FGF9: variants seen among roughly 807,000 people sequenced by gnomAD.
FGF9 encodes the protein fibroblast growth factor 9, also known as fibroblast growth factor 9 (glia-activating factor).
FGF9 carries 3 observed loss-of-function variants against 19.9 expected under a neutral mutation model. The observed-to-expected ratio is 0.15, with a 90% CI of 0.07 to 0.39. The LOEUF (loss-of-function observed/expected upper bound fraction) is 0.39, where lower values mean the gene tolerates loss of function less well. FGF9 is among the 10% of genes least tolerant of loss of function. The probability of loss-of-function intolerance (pLI) is 1.00; values close to 1 mark genes in which losing one functional copy is unlikely to be tolerated. For missense variants in FGF9, 175 were observed against 256.8 expected, an observed-to-expected ratio of 0.68 and a Z score of 2.18; for synonymous variants, 107 against 106.9, an observed-to-expected ratio of 1.00 and a Z score of -0.01.
intron 2 of FGF9, among the ~76,000 whole-genome samples, chr13:21,682,694 G>GTTTT (rs35215268): frequency 8.1e-6 from 1 of 123,950 alleles, no homozygotes; most frequent in Non-Finnish European, 1.7e-5. Context: ...CACAACTTCA[G>GTTTT]TTTTTTTTTT....
intron 2 of FGF9, among the ~76,000 whole-genome samples, chr13:21,695,524 G>T (rs1249698915): frequency 6.6e-6 from 1 of 152,124 alleles, no homozygotes; most frequent in African/African-American, 2.4e-5. Context: ...CTCTTGCCTC[G>T]TCTGTCTGTG....
intron 1 of FGF9, 122 bp from the exon 2 acceptor site, chr13:21,680,920 C>T (rs1456996307): frequency 1.4e-5 from 10 of 712,808 alleles, no homozygotes; most frequent in South Asian, 3.1e-5. Flanking sequence ...CTTTAACTAG[C>T]GTGGGGTTAT....
chr13:21,695,113 T>TGTGTGA (rs1183952730), intron 2 of FGF9, among the ~76,000 whole-genome samples: 161 of 151,078 alleles, frequency 1.1e-3, no homozygotes, highest in African/African-American at 3.8e-3. Context: ...TGTGTGTGTG[T>TGTGTGA]GTGAGAGAGA....
At chr13:21,698,408 G>A (rs898034381) in intron 2 of FGF9, among the ~76,000 whole-genome samples, 2 of 152,178 alleles carry the variant, frequency 1.3e-5, no homozygotes, top group African/African-American at 4.8e-5. Flanking sequence ...AGCTTCCTCG[G>A]TGTTCAGCAC....
intron 2 of FGF9, among the ~76,000 whole-genome samples, chr13:21,684,145 T>C (rs759248050): frequency 5.3e-5 from 8 of 152,368 alleles, no homozygotes; most frequent in Non-Finnish European, 1.0e-4. Context: ...AAATATTACT[T>C]CTTCTGCAAA....
At position 21,702,328 on chromosome 13, in the gene FGF9, A is replaced by G. The variant is rs1479760267; in HGVS notation, c.*893A>G. On this transcript the variant is annotated 3_prime_UTR_variant, in exon 3 of 3. Transcript: ENST00000382353. ...TCATGACACTGAGTATTCACTCTTC[A>G]GACTGCTTGTTTCATAGCTTATCCC... 1 of 152,226 alleles carries G rather than the reference A, an allele frequency of 6.6e-6. No homozygotes were observed. Among genetic ancestry groups the G allele is most frequent in the African/African-American group, 2.4e-5 (1 of 41,460 alleles). 9.4% of individuals were successfully genotyped at this position (152,226 alleles called of 1,614,324 possible).
At chr13:21,692,072 A>G (rs1872304324) in intron 2 of FGF9, among the ~76,000 whole-genome samples, 1 of 151,092 alleles carries the variant, frequency 6.6e-6, no homozygotes, top group Admixed American at 6.6e-5. Context: ...GCAGTATTCT[A>G]AGAACAGACT....
In FGF9 at chr13:21,702,359, A is replaced by G. The variant is rs1306700105; in HGVS notation, c.*924A>G. 6.6e-6 allele frequency: 1 copy of G among 152,212 alleles called. No homozygotes were observed. Among genetic ancestry groups the G allele is most frequent in the African/African-American group, 2.4e-5 (1 of 41,446 alleles). The allele number at this position is 152,212 out of a possible 1,614,324, so 9.4% of individuals were successfully genotyped here. ...CTTGTTTCATAGCTTATCCCAGAGG[A>G]TTAAAGATAAACTGGGTCTCAAACT... On this transcript the variant is annotated 3_prime_UTR_variant, in exon 3 of 3. Coordinates refer to ENST00000382353, the MANE Select transcript of FGF9 (RefSeq NM_002010.3).
Position 21,672,306 on chromosome 13 carries a change from C to T in FGF9, c.277+117C>T. ...AGGGTTCTCCCCTCCTCCCCTCTTTCTCTGTATCTCTGTCTCTCTCTCTCT... is the reference window on the plus strand; with the variant it reads ...AGGGTTCTCCCCTCCTCCCCTCTTTTTCTGTATCTCTGTCTCTCTCTCTCT... On this transcript the variant is annotated intron_variant, in intron 1 of 2. Coordinates refer to ENST00000382353, the MANE Select transcript of FGF9 (RefSeq NM_002010.3). The surrounding 1 kb of genome is among the most constrained non-coding windows in gnomAD (Gnocchi z 4.2). 9.1e-7 allele frequency: 1 copy of T among 1,097,770 alleles called. No homozygotes were observed. 68.0% of individuals were successfully genotyped at this position (1,097,770 alleles called of 1,614,324 possible). A position where few individuals can be genotyped will look rare whatever the true frequency, so the allele number is the denominator to read the frequency against.
At chr13:21,696,834 G>A (rs899530473) in intron 2 of FGF9, among the ~76,000 whole-genome samples, 5 of 152,068 alleles carry the variant, frequency 3.3e-5, no homozygotes, top group Admixed American at 2.0e-4. Context: ...TTGCTACTCC[G>A]TCTAAAACAA....
chr13:21,679,342 T>G (rs78943814), intron 1 of FGF9, among the ~76,000 whole-genome samples: 74 of 152,322 alleles, frequency 4.9e-4, no homozygotes, highest in African/African-American at 1.8e-3. Flanking sequence ...AGTTAATCCT[T>G]TATTAGATTT....
chr13:21,672,059 C>G lies in FGF9; in HGVS notation c.147C>G (p.Pro49=). ...QSEAGGLPRG[P]AVTDLDHLKG... The stretch of plus-strand genomic sequence containing the variant: ...AAGCAGGGGGGCTCCCCAGGGGACC[C>G]GCAGTCACGGACTTGGATCATTTAA... Residue 49 remains proline (P), a synonymous_variant, in exon 1 of 3, where the codon CCC becomes CCG. Transcript: ENST00000382353. This position sits in a 1 kb window ranked among gnomAD's most constrained non-coding sequence, Gnocchi z 4.2. The G allele has an allele frequency of 6.2e-7, 1 of 1,614,194 alleles. No individual in the cohort carries two copies. Among genetic ancestry groups the G allele is most frequent in the African/African-American group, 1.3e-5 (1 of 75,042 alleles).
chr13:21,695,085 T>C (rs867296793), intron 2 of FGF9, among the ~76,000 whole-genome samples: 7,471 of 129,154 alleles, frequency 0.058, 565 homozygotes, highest in African/African-American at 0.23. Flanking sequence ...TGTGTGTGCG[T>C]GTGTGTGTGT....
rs192805345 is a variant in FGF9, at chr13:21,692,792, A to T, written c.382-8398A>T. Among the ~76,000 whole-genome samples the T allele has an allele frequency of 2.0e-3, 305 of 152,308 alleles. 2 individuals are homozygous for T. Among genetic ancestry groups the T allele is most frequent in the African/African-American group, 7.1e-3 (293 of 41,560 alleles). ...ATTAAGACCCATGACACAGCCTCCG[A>T]AGATAAATAAAAAATTTCCTCCAGA... On this transcript the variant is annotated intron_variant, in intron 2 of 2. Transcript: ENST00000382353.
rs958085244 is a variant in FGF9 at position 21,681,286 on chromosome 13, C to T, written c.381+141C>T. Reference sequence around the variant, plus strand: ...TAAGTTTTTACTTTTTGAGGAAAGCCATTTTATTTTTATTAATAGATAAAC... The same window carrying T: ...TAAGTTTTTACTTTTTGAGGAAAGCTATTTTATTTTTATTAATAGATAAAC... On this transcript the variant is annotated intron_variant, in intron 2 of 2. Coordinates refer to ENST00000382353, the MANE Select transcript of FGF9 (RefSeq NM_002010.3). 3 of 662,858 alleles carry T rather than the reference C, an allele frequency of 4.5e-6. No individual in the cohort carries two copies. In the African/African-American group the frequency reaches 5.4e-5, roughly 12 times the overall value. The allele number at this position is 662,858 out of a possible 1,614,324, so 41.1% of individuals were successfully genotyped here.
chr13:21,671,460 G>A lies in FGF9; in HGVS notation c.-453G>A, dbSNP rs1299666017. Reference sequence around the variant, plus strand: ...ACAGCGCATGCCTTCCTGGAGTCAGGATCCGTAAATTCTGACGTAGCCCGT... The same window carrying A: ...ACAGCGCATGCCTTCCTGGAGTCAGAATCCGTAAATTCTGACGTAGCCCGT... On this transcript the variant is annotated 5_prime_UTR_variant, in exon 1 of 3. Transcript: ENST00000382353. 7 of 436,458 alleles carry A rather than the reference G, an allele frequency of 1.6e-5. No homozygotes were observed. Among genetic ancestry groups the A allele is most frequent in the African/African-American group, 1.4e-4 (7 of 49,366 alleles). The allele number at this position is 436,458 out of a possible 1,614,324, so 27.0% of individuals were successfully genotyped here.
chr13:21,690,045 C>T (rs17070400), intron 2 of FGF9, among the ~76,000 whole-genome samples: 17 of 152,334 alleles, frequency 1.1e-4, no homozygotes, highest in African/African-American at 3.8e-4. Flanking sequence ...ATGGTCAGTT[C>T]CTGAATTGCA....
At position 21,681,215 on chromosome 13, in the gene FGF9, T is replaced by C. The variant is rs183709116; in HGVS notation, c.381+70T>C. 26 of 1,175,600 alleles carry C rather than the reference T, an allele frequency of 2.2e-5. No individual in the cohort carries two copies. The East Asian group carries it at 5.9e-4, about 27-fold the overall frequency. 72.8% of individuals were successfully genotyped at this position (1,175,600 alleles called of 1,614,324 possible). A position where few individuals can be genotyped will look rare whatever the true frequency, so the allele number is the denominator to read the frequency against. On this transcript the variant is annotated intron_variant, in intron 2 of 2. Transcript: ENST00000382353. ...TTTGAACAGCTGTCTTTTCTCTGGA[T>C]TAAAAAGGGCCAGAAATGCAACTGA... is the stretch of plus-strand genomic sequence containing the variant.
chr13:21,682,871 T>A (rs902264243), intron 2 of FGF9, among the ~76,000 whole-genome samples: 1 of 151,926 alleles, frequency 6.6e-6, no homozygotes, highest in South Asian at 2.1e-4. Flanking sequence ...ACCAAAAAAA[T>A]TTTTTTTGAA....
Sources: allele counts gnomAD v4.1 joint callset (sites outside exome capture counted in the v4.1 genomes callset), GRCh38; gene constraint gnomAD v4.1.1; non-coding constraint Gnocchi (gnomAD v3.1); transcripts MANE v1.5; gene names NCBI Gene and HGNC (gene_info 2026-07-23, HGNC 2026-07-21).